FSTL4: variants seen among roughly 807,000 people sequenced by gnomAD.
The protein encoded by FSTL4 is follistatin like 4.
In FSTL4, 28 loss-of-function variants were observed where a neutral mutation model predicts 78.2. That is an observed-to-expected ratio of 0.36 (90% CI 0.27 to 0.49). The LOEUF is 0.49. FSTL4 is among the 20% of genes least tolerant of loss of function. The probability of loss-of-function intolerance (pLI) is 0.98; values close to 1 mark genes in which losing one functional copy is unlikely to be tolerated. For missense variants in FSTL4, 922 were observed against 1,084.9 expected (o/e 0.85, Z 2.11); for synonymous variants, 422 against 440.5 (o/e 0.96, Z 0.53).
At chr5:133,340,224 G>A (rs1047816063) in intron 4 of FSTL4, among the ~76,000 whole-genome samples, 1 of 152,190 alleles carries the variant, frequency 6.6e-6, no homozygotes, top group Admixed American at 6.5e-5. Flanking sequence ...GCCCAGAATG[G>A]CACCTTGCCT....
chr5:133,747,005 C>T, the FSTL4 span, among the ~76,000 whole-genome samples: 1 of 152,198 alleles, frequency 6.6e-6, no homozygotes, highest in African/African-American at 2.4e-5. Context: ...CCCCCAATGA[C>T]TCCTCCTGGC....
chr5:133,575,353 G>C (rs1268267632), intron 2 of FSTL4: 1 of 152,156 alleles, frequency 6.6e-6, no homozygotes, highest in Non-Finnish European at 1.5e-5. Context: ...CACCTTTGTT[G>C]AATTATTTAA....
intron 3 of FSTL4, among the ~76,000 whole-genome samples, chr5:133,550,937 T>C (rs1420140553): frequency 2.6e-5 from 4 of 152,206 alleles, no homozygotes; most frequent in Non-Finnish European, 5.9e-5. Flanking sequence ...TAGTGTGCCA[T>C]ATTATGTGGT....
chr5:133,415,080 T>G (rs1756550718), intron 3 of FSTL4, among the ~76,000 whole-genome samples: 1 of 152,224 alleles, frequency 6.6e-6, no homozygotes, highest in Non-Finnish European at 1.5e-5. Context: ...AAATACAAGG[T>G]CAGTGACTAG....
chr5:133,679,974 A>G, the FSTL4 span, among the ~76,000 whole-genome samples: 1 of 152,198 alleles, frequency 6.6e-6, no homozygotes, highest in African/African-American at 2.4e-5. Flanking sequence ...GTGGCCATGG[A>G]TAAGACTGTA....
rs780021384 is a variant in FSTL4, at chr5:133,225,143, G to C, written c.1312+7C>G. 58 of 1,614,008 alleles carry C rather than the reference G, an allele frequency of 3.6e-5. No homozygotes were observed. Among genetic ancestry groups the C allele is most frequent in the Non-Finnish European group, 4.8e-5 (57 of 1,180,022 alleles). Reference sequence around the variant, plus strand: ...TCAGTGAGAAGCATAAACGCGTGTCGACTTACGGGTCTTTCTAGCTGAGTC... The same window carrying C: ...TCAGTGAGAAGCATAAACGCGTGTCCACTTACGGGTCTTTCTAGCTGAGTC... On this transcript the variant is annotated splice_region_variant and intron_variant, in intron 10 of 15. Coordinates refer to ENST00000265342, the MANE Select transcript of FSTL4 (RefSeq NM_015082.2). This position sits in a 1 kb window ranked among gnomAD's most constrained non-coding sequence, Gnocchi z 4.6.
At chr5:133,327,489 C>T (rs1754241537) in intron 4 of FSTL4, among the ~76,000 whole-genome samples, 1 of 152,134 alleles carries the variant, frequency 6.6e-6, no homozygotes, top group Non-Finnish European at 1.5e-5. Flanking sequence ...TCAGGAGGGG[C>T]CTGGAAGGGA....
At chr5:133,428,401 T>C (rs939291347) in intron 3 of FSTL4, among the ~76,000 whole-genome samples, 1 of 152,112 alleles carries the variant, frequency 6.6e-6, no homozygotes. Flanking sequence ...AACTGGACCA[T>C]GGGTAGGGGC....
the FSTL4 span, among the ~76,000 whole-genome samples, chr5:133,660,079 T>G: frequency 1.3e-5 from 2 of 152,236 alleles, no homozygotes; most frequent in East Asian, 1.9e-4. Flanking sequence ...GAAAAAACAC[T>G]AGGCTTCATT....
chr5:133,630,040 A>T, the FSTL4 span, among the ~76,000 whole-genome samples: 1 of 152,272 alleles, frequency 6.6e-6, no homozygotes, highest in African/African-American at 2.4e-5. Context: ...AGCCAATATC[A>T]TAGTGAATGG....
the FSTL4 span, among the ~76,000 whole-genome samples, chr5:133,694,757 C>A: frequency 6.6e-6 from 1 of 152,302 alleles, no homozygotes; most frequent in South Asian, 2.1e-4. Flanking sequence ...GCTGCAAAGA[C>A]CTAGGTGTCA....
At chr5:133,312,862 A>C (rs1753820477) in intron 5 of FSTL4, 85 bp from the exon 6 acceptor site, 5 of 1,400,564 alleles carry the variant, frequency 3.6e-6, no homozygotes, top group Non-Finnish European at 5.0e-6. Context: ...GCCAAGAGGG[A>C]ATCCAGGGAC....
the FSTL4 span, among the ~76,000 whole-genome samples, chr5:133,746,815 C>G: frequency 6.6e-6 from 1 of 152,166 alleles, no homozygotes; most frequent in Non-Finnish European, 1.5e-5. Flanking sequence ...GCAAATCTAA[C>G]CATTGAAAAT....
the FSTL4 span, among the ~76,000 whole-genome samples, chr5:133,804,655 T>G: frequency 2.0e-5 from 3 of 152,100 alleles, no homozygotes; most frequent in African/African-American, 7.2e-5. Flanking sequence ...TGTGGAGCCC[T>G]CCTTGGCTGG....
chr5:133,225,326 G>GA lies in FSTL4; in HGVS notation c.1178-43dup. ...GCTCAGGGTGGACTGCTCAGCTGGA[G>GA]ACCCACTCACTTTCCTTTATGGGGC... On this transcript the variant is annotated intron_variant, in intron 9 of 15. Coordinates refer to ENST00000265342, the MANE Select transcript of FSTL4 (RefSeq NM_015082.2). This position sits in a 1 kb window ranked among gnomAD's most constrained non-coding sequence, Gnocchi z 4.6. 3 of 1,612,434 alleles carry GA rather than the reference G, an allele frequency of 1.9e-6. No homozygotes were observed. Among genetic ancestry groups the GA allele is most frequent in the Non-Finnish European group, 2.5e-6 (3 of 1,178,756 alleles).
chr5:133,795,547 T>C, the FSTL4 span, among the ~76,000 whole-genome samples: 4 of 152,250 alleles, frequency 2.6e-5, no homozygotes, highest in Admixed American at 2.6e-4. Context: ...CAGGTTTCTT[T>C]AGCAGAAGGA....
intron 4 of FSTL4, among the ~76,000 whole-genome samples, chr5:133,365,698 A>G (rs1293234315): frequency 6.6e-6 from 1 of 152,262 alleles, no homozygotes; most frequent in African/African-American, 2.4e-5. Flanking sequence ...TGGAGAACTC[A>G]GCCGTACTGC....
the FSTL4 span, among the ~76,000 whole-genome samples, chr5:133,825,242 C>T: frequency 2.6e-5 from 4 of 152,322 alleles, no homozygotes; most frequent in African/African-American, 9.6e-5. Flanking sequence ...ACTCCTTTTT[C>T]AGGACTTCAT....
At chr5:133,213,989 A>C (rs1750825497) in intron 13 of FSTL4, among the ~76,000 whole-genome samples, 1 of 152,232 alleles carries the variant, frequency 6.6e-6, no homozygotes. Context: ...TCAGGCAAGC[A>C]GCATTACCAG....
Sources: allele counts gnomAD v4.1 joint callset (sites outside exome capture counted in the v4.1 genomes callset), GRCh38; gene constraint gnomAD v4.1.1; non-coding constraint Gnocchi (gnomAD v3.1); transcripts MANE v1.5; gene names NCBI Gene and HGNC (gene_info 2026-07-23, HGNC 2026-07-21).